The following REV1 variants were observed in gnomAD, a reference collection of about 807,000 sequenced individuals.
REV1 encodes the protein translesion synthesis protein REV1.
REV1 carries 42 observed loss-of-function variants against 137.4 expected under a neutral mutation model. The ratio of observed to expected loss-of-function variants is 0.31; its 90% CI spans 0.24 to 0.40. The LOEUF is 0.40. Ranked by LOEUF, REV1 falls within the 10% of genes least tolerant of loss-of-function variation. The probability of loss-of-function intolerance (pLI) is 1.00; values close to 1 mark genes in which losing one functional copy is unlikely to be tolerated. For synonymous variants in REV1, 524 were observed against 519.2 expected, an observed-to-expected ratio of 1.01 and a Z score of -0.12; for missense variants, 1,282 against 1,490.1, an observed-to-expected ratio of 0.86 and a Z score of 2.30.
chr2:99,410,569 A>G, intron 14 of REV1, 126 bp downstream of exon 14: 1 of 821,444 alleles, frequency 1.2e-6, no homozygotes, highest in Non-Finnish European at 1.9e-6. Flanking sequence ...CTGCTTCTAC[A>G]GAATACCAGA....
In REV1 at chr2:99,438,875, G is replaced by T. The variant is rs779524194; in HGVS notation, c.939C>A (p.His313Gln). 1 of 1,614,196 alleles carries T rather than the reference G, an allele frequency of 6.2e-7. No homozygotes were observed. The highest frequency in any genetic ancestry group is 8.5e-7 in the Non-Finnish European group (1 of 1,180,036). Residue 313 changes from histidine (H) to glutamine (Q), a missense_variant, in exon 6 of 23, where the codon CAC (histidine) becomes CAA (glutamine). By Grantham distance (24) the His-to-Gln change is conservative (BLOSUM62 0). Coordinates refer to ENST00000258428, the MANE Select transcript of REV1 (RefSeq NM_016316.4). The stretch of plus-strand genomic sequence containing the variant: ...TTGAAGGCCCCTGAACAGTGGAGTG[G>T]TGAGCACCATTGATTTTAGTGTTAC... ...LHSNTKINGA[H>Q]HSTVQGPSST...
At position 99,431,318 on chromosome 2, in the gene REV1, G is replaced by A. The variant is rs537681469; in HGVS notation, c.1439-1370C>T. ...AGTTTCTGACATATGAATAACGTAT[G>A]CTAGCTATACTATTACAAATTAAAG... On this transcript the variant is annotated intron_variant, in intron 8 of 22. Transcript: ENST00000258428. 5.1e-4 allele frequency among the ~76,000 whole-genome samples: 77 copies of A among 152,242 alleles called. 4 individuals carry two copies. The South Asian group carries it at 0.016, about 31-fold the overall frequency.
chr2:99,404,628 A>G lies in REV1; in HGVS notation c.2861T>C (p.Val954Ala), dbSNP rs1449636445. 2 of 1,612,222 alleles carry G rather than the reference A, an allele frequency of 1.2e-6. No homozygotes were observed. The highest frequency in any genetic ancestry group is 1.7e-6 in the Non-Finnish European group (2 of 1,179,564). The change falls in exon 18 of 23, where the codon GTA (valine) becomes GCA (alanine). Residue 954 changes from valine to alanine, a missense_variant. By Grantham distance (64) the Val-to-Ala change is moderately conservative (BLOSUM62 0). This residue lies in a region of REV1 where 135 missense variants were observed against 123.3 expected (regional missense o/e 1.10). Coordinates refer to ENST00000258428, the MANE Select transcript of REV1 (RefSeq NM_016316.4). Reference protein sequence around the residue: ...EALPPDLREQVEQVCAVQQAE... With the variant: ...EALPPDLREQAEQVCAVQQAE... ...TTGCTGGACAGCACAGACTTGCTCTACTTGTTCCCGGAGATCAGGTGGAAG... is the reference window on the plus strand; with the variant it reads ...TTGCTGGACAGCACAGACTTGCTCTGCTTGTTCCCGGAGATCAGGTGGAAG...
chr2:99,466,867 T>C (rs1031449648), intron 1 of REV1, among the ~76,000 whole-genome samples: 7 of 152,190 alleles, frequency 4.6e-5, no homozygotes, highest in Non-Finnish European at 1.5e-5. Flanking sequence ...CATGCTCTGT[T>C]AAATATTTCT....
chr2:99,464,653 G>A (rs958731610), intron 2 of REV1, among the ~76,000 whole-genome samples: 5 of 152,056 alleles, frequency 3.3e-5, no homozygotes, highest in African/African-American at 1.2e-4. Context: ...CTGTTTTTCT[G>A]TATTATTAGC....
chr2:99,479,779 AAATAAT>A (rs60339972), intron 1 of REV1, among the ~76,000 whole-genome samples: 90,861 of 149,874 alleles, frequency 0.61, 28,230 homozygotes, highest in African/African-American at 0.72. Context: ...AAAAAAGTAA[AAATAAT>A]AATAATAATA....
At chr2:99,419,907 C>G (rs990273007) in intron 11 of REV1, among the ~76,000 whole-genome samples, 1 of 152,058 alleles carries the variant, frequency 6.6e-6, no homozygotes, top group Non-Finnish European at 1.5e-5. Flanking sequence ...CAGAGATTCA[C>G]GAACAGGGAA....
intron 4 of REV1, among the ~76,000 whole-genome samples, chr2:99,444,414 G>A (rs1559360261): frequency 6.6e-6 from 1 of 152,186 alleles, no homozygotes; most frequent in Non-Finnish European, 1.5e-5. Flanking sequence ...CTGACAGCAT[G>A]CTGGAGTGAT....
At chr2:99,462,980 C>A (rs1171416671) in intron 2 of REV1, among the ~76,000 whole-genome samples, 2 of 151,736 alleles carry the variant, frequency 1.3e-5, no homozygotes, top group African/African-American at 4.8e-5. Flanking sequence ...CCCAGCTACT[C>A]GGGAGGCTGA....
At chr2:99,460,163 G>A (rs1471321156) in intron 3 of REV1, among the ~76,000 whole-genome samples, 1 of 151,978 alleles carries the variant, frequency 6.6e-6, no homozygotes, top group African/African-American at 2.4e-5. Context: ...TTCAACCTCC[G>A]CCTCCCGGGT....
intron 12 of REV1, among the ~76,000 whole-genome samples, chr2:99,416,071 G>A (rs1388364337): frequency 2.0e-5 from 3 of 152,196 alleles, no homozygotes; most frequent in Non-Finnish European, 4.4e-5. Context: ...ATTACTGTGC[G>A]CAGCACGTAT....
chr2:99,467,945 C>G (rs1455428751), intron 1 of REV1, among the ~76,000 whole-genome samples: 1 of 152,104 alleles, frequency 6.6e-6, no homozygotes, highest in East Asian at 1.9e-4. Flanking sequence ...CTTTGGGAGG[C>G]CGAGGTGGAC....
At chr2:99,410,614 C>T (rs970964279) in intron 14 of REV1, 81 bp downstream of exon 14, 3 of 1,259,884 alleles carry the variant, frequency 2.4e-6, no homozygotes, top group Non-Finnish European at 3.3e-6. Flanking sequence ...CAAACTCCTC[C>T]TTGGTTTTCT....
intron 3 of REV1, among the ~76,000 whole-genome samples, chr2:99,462,061 G>A (rs1002223023): frequency 1.3e-5 from 2 of 152,120 alleles, no homozygotes; most frequent in African/African-American, 4.8e-5. Flanking sequence ...CGACCCAAAT[G>A]CTGGCAGTTT....
At chr2:99,411,531 C>T (rs12105686) in intron 13 of REV1, among the ~76,000 whole-genome samples, 1 of 151,278 alleles carries the variant, frequency 6.6e-6, no homozygotes, top group African/African-American at 2.4e-5. Flanking sequence ...CTCAGCCTCC[C>T]GAGTAGCTAG....
intron 11 of REV1, among the ~76,000 whole-genome samples, 172 bp downstream of exon 11, chr2:99,421,327 C>T (rs1265473147): frequency 6.6e-6 from 1 of 151,510 alleles, no homozygotes; most frequent in Non-Finnish European, 1.5e-5. Context: ...AGATTATCAA[C>T]CATTTACTTA....
Position 99,442,308 on chromosome 2 carries a change from C to G in REV1, c.503+9G>C. On this transcript the variant is annotated intron_variant, in intron 5 of 22. Transcript: ENST00000258428. ...AGCTTTGCAGTAATCCCCAACTAGA[C>G]AAACTTACACCCTGTTGTTGAGCTG... 1 of 1,373,454 alleles carries G rather than the reference C, an allele frequency of 7.3e-7. No homozygotes were observed. The allele number at this position is 1,373,454 out of a possible 1,614,324, so 85.1% of individuals were successfully genotyped here. A position where few individuals can be genotyped will look rare whatever the true frequency, so the allele number is the denominator to read the frequency against.
chr2:99,412,725 C>G lies in REV1; in HGVS notation c.2172+6G>C, dbSNP rs780478841. ...CAGATGGCAAAATCTGTTCAATGAT[C>G]AGTACCTGAGTAAACCTTATTCCAT... On this transcript the variant is annotated splice_donor_region_variant and intron_variant, in intron 13 of 22. Coordinates refer to ENST00000258428, the MANE Select transcript of REV1 (RefSeq NM_016316.4). 3.9e-5 allele frequency: 62 copies of G among 1,607,348 alleles called. 2 individuals carry two copies. The highest frequency in any genetic ancestry group is 3.3e-4 in the South Asian group (30 of 90,914).
intron 1 of REV1, among the ~76,000 whole-genome samples, chr2:99,467,234 AAC>A (rs1487043326): frequency 3.3e-5 from 5 of 152,176 alleles, no homozygotes; most frequent in East Asian, 1.9e-4. Context: ...AGAAGCATGA[AAC>A]ACAGTTATAA....
Sources: gnomAD v4.1 joint callset for allele counts (sites outside exome capture counted in the v4.1 genomes callset) on GRCh38, gnomAD v4.1.1 for gene constraint, gnomAD v4.1.1 regional missense constraint, MANE v1.5 for transcripts, NCBI Gene and HGNC (gene_info 2026-07-23, HGNC 2026-07-21) for gene names.